The following DNAH10 variants were observed in gnomAD, a reference collection of about 807,000 sequenced individuals.
DNAH10 encodes axonemal beta dynein heavy chain 10.
Under a neutral mutation model 506.6 loss-of-function variants are expected in DNAH10, and 348 were observed. The observed-to-expected ratio is 0.69, with a 90% CI of 0.63 to 0.75. The LOEUF (loss-of-function observed/expected upper bound fraction) is 0.75, where lower values mean the gene tolerates loss of function less well. Ranked by LOEUF, DNAH10 falls within the 30% of genes least tolerant of loss-of-function variation. The probability of loss-of-function intolerance (pLI) is 0.00; values close to 1 mark genes in which losing one functional copy is unlikely to be tolerated. For missense variants in DNAH10, 5,179 were observed against 5,787.1 expected, an observed-to-expected ratio of 0.89 and a Z score of 3.41; for synonymous variants, 2,059 against 2,198.6, an observed-to-expected ratio of 0.94 and a Z score of 1.78.
rs1954339764 is a variant in DNAH10, at chr12:123,913,789, A to C, written c.10352+474A>C. Among the ~76,000 whole-genome samples the C allele has an allele frequency of 6.6e-6, 1 of 152,148 alleles. No individual in the cohort carries two copies. The highest frequency in any genetic ancestry group is 1.5e-5 in the Non-Finnish European group (1 of 68,038). On this transcript the variant is annotated intron_variant, in intron 60 of 78. Coordinates refer to ENST00000673944, the MANE Select transcript of DNAH10 (RefSeq NM_001372106.1). This position sits in a 1 kb window ranked among gnomAD's most constrained non-coding sequence, Gnocchi z 5.1. ...AAGACCGCTTGGCCACAGCTTATTCACCAAATAGGGCAACAATTTTGAATC... is the reference window on the plus strand; with the variant it reads ...AAGACCGCTTGGCCACAGCTTATTCCCCAAATAGGGCAACAATTTTGAATC...
intron 29 of DNAH10, among the ~76,000 whole-genome samples, chr12:123,840,859 G>A (rs1345077038): frequency 6.6e-6 from 1 of 152,140 alleles, no homozygotes; most frequent in Non-Finnish European, 1.5e-5. Context: ...ATTCTCCCAA[G>A]CCCACCTTGT....
intron 1 of DNAH10, among the ~76,000 whole-genome samples, chr12:123,765,947 GTGTC>G (rs530590881): frequency 2.0e-5 from 3 of 151,090 alleles, no homozygotes; most frequent in Non-Finnish European, 2.9e-5. Context: ...ACCAATCTGT[GTGTC>G]TGTCTACCTA....
chr12:123,812,080 T>C (rs1958957883), intron 19 of DNAH10, among the ~76,000 whole-genome samples: 1 of 152,226 alleles, frequency 6.6e-6, no homozygotes, highest in Admixed American at 6.5e-5. Flanking sequence ...ATTCACATTT[T>C]ACAGATGGTG....
Position 123,902,923 on chromosome 12 carries a change from C to G in DNAH10, c.9641-16C>G. 6.4e-7 allele frequency: 1 copy of G among 1,569,258 alleles called. No individual in the cohort carries two copies. The highest frequency in any genetic ancestry group is 8.6e-7 in the Non-Finnish European group (1 of 1,157,604). ...TCTGAGCCCAAGCTTTACTCACCCCCTGTCCTACCCTGCAGCCGAGGAGAA... is the reference window on the plus strand; with the variant it reads ...TCTGAGCCCAAGCTTTACTCACCCCGTGTCCTACCCTGCAGCCGAGGAGAA... On this transcript the variant is annotated splice_polypyrimidine_tract_variant and intron_variant, in intron 56 of 78. Coordinates refer to ENST00000673944, the MANE Select transcript of DNAH10 (RefSeq NM_001372106.1). The surrounding 1 kb of genome is among the most constrained non-coding windows in gnomAD (Gnocchi z 4.5).
chr12:123,833,891 T>C (rs1385340897), intron 27 of DNAH10, among the ~76,000 whole-genome samples: 1 of 152,160 alleles, frequency 6.6e-6, no homozygotes, highest in East Asian at 1.9e-4. Context: ...AGCAAGGTCT[T>C]ATAGTAGGTG....
At position 123,913,415 on chromosome 12, in the gene DNAH10, T is replaced by C. The variant is rs1954324439; in HGVS notation, c.10352+100T>C. 4 of 1,284,964 alleles carry C rather than the reference T, an allele frequency of 3.1e-6. No individual in the cohort carries two copies. Among genetic ancestry groups the C allele is most frequent in the Non-Finnish European group, 4.2e-6 (4 of 952,888 alleles). 79.6% of individuals were successfully genotyped at this position (1,284,964 alleles called of 1,614,324 possible). On this transcript the variant is annotated intron_variant, in intron 60 of 78. Transcript: ENST00000673944. The surrounding 1 kb of genome is among the most constrained non-coding windows in gnomAD (Gnocchi z 5.1). ...TTCTTTATCTCACGTTGTGTTTTTA[T>C]GTGAAAACCATGTGACCAGGTCTTA... is the stretch of plus-strand genomic sequence containing the variant.
intron 53 of DNAH10, among the ~76,000 whole-genome samples, chr12:123,893,905 A>G (rs1953103058): frequency 6.6e-6 from 1 of 152,146 alleles, no homozygotes. Context: ...AGCATCCTAC[A>G]GTGCACAGCC....
In DNAH10 at chr12:123,935,410, G is replaced by A; in HGVS notation, c.13699G>A (p.Asp4567Asn). The part of the protein sequence containing the change: ...AMGVGLVFEA[D>N]LFTTRHISHW... ...GGGAGTCGGCTTGGTTTTTGAAGCT[G>A]ATCTCTTTACCACGAGGCACATTTC... Residue 4567 changes from aspartate (D) to asparagine (N), a missense_variant, in exon 79 of 79, where the codon GAT (aspartate) becomes AAT (asparagine). This residue lies in a region of DNAH10 where 4,844 missense variants were observed against 5,430.5 expected (regional missense o/e 0.89). Coordinates refer to ENST00000673944, the MANE Select transcript of DNAH10 (RefSeq NM_001372106.1). The A allele has an allele frequency of 1.2e-6, 2 of 1,611,854 alleles. No homozygotes were observed. Among genetic ancestry groups the A allele is most frequent in the Non-Finnish European group, 8.5e-7 (1 of 1,178,036 alleles).
At position 123,790,493 on chromosome 12, in the gene DNAH10, C is replaced by T. The variant is rs182882365; in HGVS notation, c.1815+372C>T. On this transcript the variant is annotated intron_variant, in intron 11 of 78. Coordinates refer to ENST00000673944, the MANE Select transcript of DNAH10 (RefSeq NM_001372106.1). ...TTGAGAATTGCGTTTTGTCAGAAGG[C>T]GGGGGCATGGAGAGCTGATTGGAAA... 1.1e-3 allele frequency among the ~76,000 whole-genome samples: 173 copies of T among 151,860 alleles called. 1 individual carries two copies. The highest frequency in any genetic ancestry group is 4.0e-3 in the African/African-American group (166 of 41,402).
rs990213684 is a variant in DNAH10, at chr12:123,786,859, C to T, written c.1421+923C>T. On this transcript the variant is annotated intron_variant, in intron 9 of 78. Coordinates refer to ENST00000673944, the MANE Select transcript of DNAH10 (RefSeq NM_001372106.1). ...TAAAAAATATCTATATAGATGAGGCCGGGTGCGGTGGCTCACGCCTGTAAT... is the reference window on the plus strand; with the variant it reads ...TAAAAAATATCTATATAGATGAGGCTGGGTGCGGTGGCTCACGCCTGTAAT... Among the ~76,000 whole-genome samples, 8 of 152,060 alleles carry T rather than the reference C, an allele frequency of 5.3e-5. No homozygotes were observed. The South Asian group carries it at 1.2e-3, about 24-fold the overall frequency.
rs763149363 is a variant in DNAH10, at chr12:123,801,381, C to T, written c.2563C>T (p.Leu855=). ...SVLLKDHSQE[L]LRVFRSGYKR... ...GCTTCTCAAAGATCATTCCCAGGAA[C>T]TGCTCCGAGTGTTTAGGTCGGGATA... is the stretch of plus-strand genomic sequence containing the variant. Residue 855 remains leucine (L), a synonymous_variant, in exon 16 of 79, where the codon CTG becomes TTG. Coordinates refer to ENST00000673944, the MANE Select transcript of DNAH10 (RefSeq NM_001372106.1). 3.7e-6 allele frequency: 6 copies of T among 1,614,222 alleles called. No homozygotes were observed. The highest frequency in any genetic ancestry group is 3.4e-6 in the Non-Finnish European group (4 of 1,180,046).
At chr12:123,843,506 C>T (rs529760624) in intron 30 of DNAH10, among the ~76,000 whole-genome samples, 3 of 152,276 alleles carry the variant, frequency 2.0e-5, no homozygotes, top group East Asian at 1.9e-4. Flanking sequence ...TTTAGGTTTT[C>T]GCTGCACCAC....
chr12:123,860,296 C>G (rs944222600), intron 38 of DNAH10, among the ~76,000 whole-genome samples: 1 of 152,190 alleles, frequency 6.6e-6, no homozygotes, highest in Non-Finnish European at 1.5e-5. Context: ...TATGAGAAAA[C>G]CAGTCGACAG....
At position 123,848,010 on chromosome 12, in the gene DNAH10, G is replaced by T; in HGVS notation, c.5864G>T (p.Gly1955Val). Residue 1955 changes from glycine to valine, a missense_variant, in exon 33 of 79, where the codon GGC becomes GTC. Around this residue, in one of 3 missense-constraint regions of DNAH10, gnomAD observed 4,844 missense variants for 5,430.5 expected, o/e 0.89. Transcript: ENST00000673944. ...GCCCCCGCCGGCCCAGCAGGAACCG[G>T]CAAAACCGAGACCACCAAGGACCTG... ...GGAPAGPAGT[G>V]KTETTKDLAK... 1.9e-6 allele frequency: 3 copies of T among 1,613,932 alleles called. No homozygotes were observed. The highest frequency in any genetic ancestry group is 2.5e-6 in the Non-Finnish European group (3 of 1,179,852).
At position 123,762,568 on chromosome 12, in the gene DNAH10, G is replaced by T. The variant is rs377606125; in HGVS notation, c.214+18G>T. 3.6e-5 allele frequency: 55 copies of T among 1,539,324 alleles called. No homozygotes were observed. The African/African-American group carries it at 4.6e-4, about 13-fold the overall frequency. ...GGAGATTGGTGAGCCTCGACGCGCCGCTCCCTTCCCCGGGCTTCCCTCCTG... is the reference window on the plus strand; with the variant it reads ...GGAGATTGGTGAGCCTCGACGCGCCTCTCCCTTCCCCGGGCTTCCCTCCTG... On this transcript the variant is annotated intron_variant, in intron 1 of 78. Transcript: ENST00000673944. The surrounding 1 kb of genome is among the most constrained non-coding windows in gnomAD (Gnocchi z 5.0).
intron 11 of DNAH10, among the ~76,000 whole-genome samples, chr12:123,792,451 CTTT>C (rs78654407): frequency 0.014 from 1,879 of 132,778 alleles, 10 homozygotes; most frequent in African/African-American, 0.054. Flanking sequence ...TTCCTTTGTC[CTTT>C]TTTTTTTTTT....
At chr12:123,914,791 C>A in intron 61 of DNAH10, 61 bp from the exon 62 acceptor site, 1 of 1,578,840 alleles carries the variant, frequency 6.3e-7, no homozygotes, top group East Asian at 2.3e-5. Flanking sequence ...TCCTACCACC[C>A]TTAGCCCTTG....
rs987038896 is a variant in DNAH10, at chr12:123,903,621, T to A, written c.9815+508T>A. Among the ~76,000 whole-genome samples, 2 of 152,194 alleles carry A rather than the reference T, an allele frequency of 1.3e-5. No individual in the cohort carries two copies. The highest frequency in any genetic ancestry group is 4.8e-5 in the African/African-American group (2 of 41,440). On this transcript the variant is annotated intron_variant, in intron 57 of 78. Coordinates refer to ENST00000673944, the MANE Select transcript of DNAH10 (RefSeq NM_001372106.1). This position sits in a 1 kb window ranked among gnomAD's most constrained non-coding sequence, Gnocchi z 4.6. ...ACATCTTGCAAATCAATCTGTAAGA[T>A]GACCCTGTCCCCCACACCAGAGGGC...
chr12:123,803,728 T>A lies in DNAH10; in HGVS notation c.2682T>A (p.Ile894=). Residue 894 remains isoleucine (I), a synonymous_variant, in exon 17 of 79, where the codon ATT becomes ATA. Transcript: ENST00000673944. The part of the protein sequence containing the change: ...IGKFESLVHQ[I]HKNADDISSR... ...AATTTGAGTCTCTCGTCCACCAGAT[T>A]CATAAGAATGCAGATGACATTTCTT... The A allele has an allele frequency of 6.2e-7, 1 of 1,612,074 alleles. No homozygotes were observed. Among genetic ancestry groups the A allele is most frequent in the Non-Finnish European group, 8.5e-7 (1 of 1,179,442 alleles).
Sources: gnomAD v4.1 joint callset for allele counts (sites outside exome capture counted in the v4.1 genomes callset) on GRCh38, gnomAD v4.1.1 for gene constraint, gnomAD v4.1.1 regional missense constraint, Gnocchi (gnomAD v3.1) non-coding constraint, MANE v1.5 for transcripts, NCBI Gene and HGNC (gene_info 2026-07-23, HGNC 2026-07-21) for gene names.